The following SBK1 variants were observed in gnomAD, a reference collection of about 807,000 sequenced individuals.
SBK1 encodes SH3 domain binding kinase 1, also known as serine/threonine-protein kinase SBK1.
SBK1 carries 11 observed loss-of-function variants against 24.4 expected under a neutral mutation model. The ratio of observed to expected loss-of-function variants is 0.45; its 90% CI spans 0.28 to 0.75. SBK1 has a LOEUF of 0.75. Ranked by LOEUF, SBK1 falls within the 30% of genes least tolerant of loss-of-function variation. The pLI, the probability that SBK1 is intolerant of heterozygous loss-of-function variation, is 0.12. For synonymous variants in SBK1, 308 were observed against 284.4 expected (o/e 1.08, Z -0.83); for missense variants, 467 against 620.5 (o/e 0.75, Z 2.63).
chr16:28,278,352 T>C (rs1183248343), intron 1 of SBK1, among the ~76,000 whole-genome samples: 4 of 145,930 alleles, frequency 2.7e-5, no homozygotes, highest in African/African-American at 9.9e-5. Flanking sequence ...CACCCCGCCT[T>C]TGTTTTAGAG....
Position 28,319,285 on chromosome 16 carries a change from C to T in SBK1, c.429+88C>T. On this transcript the variant is annotated intron_variant, in intron 3 of 3. Coordinates refer to ENST00000341901, the MANE Select transcript of SBK1 (RefSeq NM_001024401.3). This position sits in a 1 kb window ranked among gnomAD's most constrained non-coding sequence, Gnocchi z 4.0. ...GAGTGGAGTCAGACCATTTAATTAA[C>T]AAGTATTTACTGGGTGCCTGCTGTA... is the stretch of plus-strand genomic sequence containing the variant. The T allele has an allele frequency of 1.0e-6, 1 of 1,000,160 alleles. No homozygotes were observed. Among genetic ancestry groups the T allele is most frequent in the South Asian group, 1.4e-5 (1 of 72,748 alleles). 62.0% of individuals were successfully genotyped at this position (1,000,160 alleles called of 1,614,324 possible). A position where few individuals can be genotyped will look rare whatever the true frequency, so the allele number is the denominator to read the frequency against.
At position 28,321,005 on chromosome 16, in the gene SBK1, C is replaced by T; in HGVS notation, c.*84C>T. On this transcript the variant is annotated 3_prime_UTR_variant, in exon 4 of 4. Transcript: ENST00000341901. The stretch of plus-strand genomic sequence containing the variant: ...GGTGCGGCGGTAGGGAATGGAGCCA[C>T]CTCGCCGCGGGGCAGGGGGCGCAGC... The T allele has an allele frequency of 8.2e-7, 1 of 1,220,380 alleles. No homozygotes were observed. Among genetic ancestry groups the T allele is most frequent in the South Asian group, 1.8e-5 (1 of 54,196 alleles). The allele number at this position is 1,220,380 out of a possible 1,614,324, so 75.6% of individuals were successfully genotyped here.
rs187466204 is a variant in SBK1 at position 28,280,523 on chromosome 16, G to A, written c.257+21021G>A. Among the ~76,000 whole-genome samples the A allele has an allele frequency of 3.4e-4, 52 of 151,430 alleles. No homozygotes were observed. In the East Asian group the frequency reaches 1.0e-2, roughly 29 times the overall value. On this transcript the variant is annotated intron_variant, in intron 1 of 3. Coordinates refer to the SBK1 transcript ENST00000671413. ...GACTCAATTTCTACCCCCATTCCTTGAAATGTTCAAAGAGGGTCCAGCTTT... is the reference window on the plus strand; with the variant it reads ...GACTCAATTTCTACCCCCATTCCTTAAAATGTTCAAAGAGGGTCCAGCTTT...
intron 1 of SBK1, among the ~76,000 whole-genome samples, chr16:28,300,402 T>A (rs2044670881): frequency 2.0e-5 from 3 of 152,128 alleles, no homozygotes; most frequent in South Asian, 2.1e-4. Context: ...TCATGGCACT[T>A]TTGGCCTTCC....
intron 1 of SBK1, among the ~76,000 whole-genome samples, chr16:28,314,183 G>A (rs917090383): frequency 1.3e-5 from 2 of 151,450 alleles, no homozygotes; most frequent in Admixed American, 6.6e-5. Flanking sequence ...TTTAGATAGG[G>A]TCTCACTCTG....
rs542250971 is a variant in SBK1 at position 28,276,765 on chromosome 16, A to G, written c.257+17263A>G. Among the ~76,000 whole-genome samples, 5 of 152,126 alleles carry G rather than the reference A, an allele frequency of 3.3e-5. No individual in the cohort carries two copies. The South Asian group carries it at 1.0e-3, about 32-fold the overall frequency. On this transcript the variant is annotated intron_variant, in intron 1 of 3. Coordinates refer to the SBK1 transcript ENST00000671413. ...CTGCAACCTCCGCCTCCCGGGTTCA[A>G]GTGATTTTCCTGCCTCAGCCTCCCA...
At position 28,319,636 on chromosome 16, in the gene SBK1, T is replaced by C. The variant is rs556672246; in HGVS notation, c.429+439T>C. On this transcript the variant is annotated intron_variant, in intron 3 of 3. Transcript: ENST00000341901. The surrounding 1 kb of genome is among the most constrained non-coding windows in gnomAD (Gnocchi z 4.0). ...TGAGACCTTCGGAGCAGGTCCTCCTTCTTTGCTGAGCACCTACTACATGCC... is the reference window on the plus strand; with the variant it reads ...TGAGACCTTCGGAGCAGGTCCTCCTCCTTTGCTGAGCACCTACTACATGCC... Among the ~76,000 whole-genome samples, 2 of 145,402 alleles carry C rather than the reference T, an allele frequency of 1.4e-5. No homozygotes were observed. The highest frequency in any genetic ancestry group is 6.7e-5 in the Admixed American group (1 of 14,908).
intron 1 of SBK1, among the ~76,000 whole-genome samples, chr16:28,307,940 A>T (rs1206635695): frequency 6.6e-6 from 1 of 152,108 alleles, no homozygotes; most frequent in African/African-American, 2.4e-5. Context: ...AGTGCCTGGC[A>T]TATAGTAAAT....
intron 1 of SBK1, among the ~76,000 whole-genome samples, chr16:28,298,205 C>G (rs566228331): frequency 2.8e-4 from 43 of 152,370 alleles, no homozygotes; most frequent in Admixed American, 2.7e-3. Context: ...CCCAGCCACC[C>G]TCCCATCGCC....
chr16:28,292,334 G>C (rs1054753608), upstream of SBK1, among the ~76,000 whole-genome samples: 3 of 145,700 alleles, frequency 2.1e-5, no homozygotes, highest in African/African-American at 7.4e-5. Context: ...GGAAGGGGGT[G>C]GGGGCGCCGC....
chr16:28,320,655 C>T lies in SBK1; in HGVS notation c.1009C>T (p.Pro337Ser). 9.1e-7 allele frequency: 1 copy of T among 1,100,954 alleles called. No individual in the cohort carries two copies. The highest frequency in any genetic ancestry group is 1.1e-6 in the Non-Finnish European group (1 of 904,322). 68.2% of individuals were successfully genotyped at this position (1,100,954 alleles called of 1,614,324 possible). ...CGCGCGCAAGCCCCCCGGGGACCGC[C>T]CGCCCGCCGCCGGGCCACTGCGCCT... ...HRARKPPGDR[P>S]PAAGPLRLEA... Residue 337 changes from proline (P) to serine (S), a missense_variant, in exon 4 of 4, where the codon CCG (proline) becomes TCG (serine). Physicochemically the swap from Pro to Ser is moderately conservative, Grantham distance 74. Transcript: ENST00000341901. This position sits in a 1 kb window ranked among gnomAD's most constrained non-coding sequence, Gnocchi z 8.5.
chr16:28,320,547 G>T lies in SBK1; in HGVS notation c.901G>T (p.Glu301Ter), dbSNP rs866346454. The T allele has an allele frequency of 1.3e-6, 2 of 1,555,626 alleles. No individual in the cohort carries two copies. The highest frequency in any genetic ancestry group is 1.1e-5 in the South Asian group (1 of 87,220). Residue 301 changes from glutamate (E) to a stop codon, truncating the protein, a stop_gained, in exon 4 of 4, where the codon GAG (glutamate) becomes TAG (stop). Transcript: ENST00000341901. LOFTEE classifies it high-confidence loss of function. The surrounding 1 kb of genome is among the most constrained non-coding windows in gnomAD (Gnocchi z 8.5). ...CCAGCGCTTACTGGCCCTGGAGCCCGAGCGCCGCGGCCCAGCCAAGGAGGT... is the reference window on the plus strand; with the variant it reads ...CCAGCGCTTACTGGCCCTGGAGCCCTAGCGCCGCGGCCCAGCCAAGGAGGT... ...MFQRLLALEP[E>*]RRGPAKEVFR... is the part of the protein sequence containing the mutation.
chr16:28,271,988 T>G (rs1253124978), intron 1 of SBK1, among the ~76,000 whole-genome samples: 1 of 152,204 alleles, frequency 6.6e-6, no homozygotes, highest in East Asian at 1.9e-4. Flanking sequence ...ATCCTGCACA[T>G]GAATATTTGC....
At chr16:28,312,461 A>G (rs929940554) in intron 1 of SBK1, among the ~76,000 whole-genome samples, 1 of 152,212 alleles carries the variant, frequency 6.6e-6, no homozygotes, top group African/African-American at 2.4e-5. Flanking sequence ...GCTGCGGGAA[A>G]GAGCCAGTGC....
chr16:28,282,468 T>C (rs778449908), intron 1 of SBK1, among the ~76,000 whole-genome samples: 1 of 152,120 alleles, frequency 6.6e-6, no homozygotes, highest in African/African-American at 2.4e-5. Flanking sequence ...ACTTTGTGTC[T>C]CCTCTGTACC....
At position 28,292,792 on chromosome 16, in the gene SBK1, A is replaced by AG. The variant is rs1194825057; in HGVS notation, c.-509dup. 1.8e-5 allele frequency: 18 copies of AG among 984,648 alleles called. No homozygotes were observed. The highest frequency in any genetic ancestry group is 2.0e-5 in the Non-Finnish European group (17 of 829,552). 61.0% of individuals were successfully genotyped at this position (984,648 alleles called of 1,614,324 possible). On this transcript the variant is annotated 5_prime_UTR_variant, in exon 1 of 4. Transcript: ENST00000341901. Reference sequence around the variant, plus strand: ...CAGGATCCGGCGAGCCTCGGGGAAGAGGGGGGGCCCTCCCGGATCCGACAC... The same window carrying AG: ...CAGGATCCGGCGAGCCTCGGGGAAGAGGGGGGGGCCCTCCCGGATCCGACAC...
At chr16:28,314,437 G>A (rs988584489) in intron 1 of SBK1, among the ~76,000 whole-genome samples, 4 of 150,782 alleles carry the variant, frequency 2.7e-5, no homozygotes, top group Non-Finnish European at 4.4e-5. Flanking sequence ...GATCACAGAC[G>A]TGAGCTACCT....
chr16:28,292,495 A>T, upstream of SBK1: 1 of 963,266 alleles, frequency 1.0e-6, no homozygotes, highest in Non-Finnish European at 1.2e-6. Context: ...CCGGGCGGGC[A>T]GGTGCGCGCT....
rs144104758 is a variant in SBK1 at position 28,263,113 on chromosome 16, C to G, written c.257+3611C>G. Among the ~76,000 whole-genome samples, 83 of 152,320 alleles carry G rather than the reference C, an allele frequency of 5.4e-4. No individual in the cohort carries two copies. The East Asian group carries it at 0.016, about 29-fold the overall frequency. ...CCAGAACAGCTCATTGCAAGAAAAGCTGGGAAATATAGTCCCGTCTACATG... is the reference window on the plus strand; with the variant it reads ...CCAGAACAGCTCATTGCAAGAAAAGGTGGGAAATATAGTCCCGTCTACATG... On this transcript the variant is annotated intron_variant, in intron 1 of 3. Transcript: ENST00000671413.
Sources: gnomAD v4.1 joint callset for allele counts (sites outside exome capture counted in the v4.1 genomes callset) on GRCh38, gnomAD v4.1.1 for gene constraint, Gnocchi (gnomAD v3.1) non-coding constraint, MANE v1.5 for transcripts, NCBI Gene and HGNC (gene_info 2026-07-23, HGNC 2026-07-21) for gene names.